SPRED2: variants seen among roughly 807,000 people sequenced by gnomAD.
SPRED2 encodes sprouty related EVH1 domain containing 2, also known as sprouty-related, EVH1 domain-containing protein 2.
A neutral mutation model predicts 43.0 loss-of-function variants in SPRED2; 47 were observed. The observed-to-expected ratio is 1.09, with a 90% confidence interval of 0.87 to 1.40. The LOEUF (loss-of-function observed/expected upper bound fraction) is 1.40, where lower values mean the gene tolerates loss of function less well. Ranked by LOEUF, SPRED2 falls within the 40% of genes most tolerant of loss-of-function variation. The probability of loss-of-function intolerance (pLI) is 0.00; values close to 1 mark genes in which losing one functional copy is unlikely to be tolerated. For synonymous variants in SPRED2, 225 were observed against 225.7 expected (o/e 1.00, Z 0.03); for missense variants, 561 against 586.4 (o/e 0.96, Z 0.45).
intron 1 of SPRED2, among the ~76,000 whole-genome samples, chr2:65,393,089 G>A (rs1675675157): frequency 1.3e-5 from 2 of 152,156 alleles, no homozygotes; most frequent in South Asian, 4.1e-4. Context: ...TGTTGCTACA[G>A]AGATAAAAAT....
intron 1 of SPRED2, chr2:65,366,634 T>C (rs1341816509): frequency 6.4e-7 from 1 of 1,552,702 alleles, no homozygotes; most frequent in East Asian, 2.4e-5. Context: ...GCCCGAGTGC[T>C]GGGTATTAGC....
rs1674112739 is a variant in SPRED2, at chr2:65,339,438, GCT to G, written c.205-4667_205-4666del. ...TCTATGACCTTACCCCCAACCCTGT[GCT>G]CTCTGAAACATGTGCTGTGTCCACT... is the stretch of plus-strand genomic sequence containing the variant. On this transcript the variant is annotated intron_variant, in intron 2 of 5. Transcript: ENST00000356388. Among the ~76,000 whole-genome samples the G allele has an allele frequency of 2.6e-5, 4 of 151,434 alleles. No individual in the cohort carries two copies. In the South Asian group the frequency reaches 6.3e-4, roughly 24 times the overall value.
At chr2:65,307,336 C>T (rs936892349), downstream of SPRED2, among the ~76,000 whole-genome samples, 7 of 152,210 alleles carry the variant, frequency 4.6e-5, no homozygotes, top group African/African-American at 1.2e-4. Flanking sequence ...GTTGCGATTA[C>T]AGGCATGCGC....
chr2:65,336,039 T>G (rs1196229955), intron 2 of SPRED2, among the ~76,000 whole-genome samples: 1 of 152,190 alleles, frequency 6.6e-6, no homozygotes, highest in Admixed American at 6.5e-5. Flanking sequence ...TAAATAAGTA[T>G]AAATTCTAAG....
intron 1 of SPRED2, among the ~76,000 whole-genome samples, chr2:65,403,544 T>C (rs924152934): frequency 6.6e-6 from 1 of 152,174 alleles, no homozygotes; most frequent in African/African-American, 2.4e-5. Context: ...TGGGATTACA[T>C]GCGTGAGCCA....
At chr2:65,394,007 A>G (rs995053862) in intron 1 of SPRED2, among the ~76,000 whole-genome samples, 7 of 152,156 alleles carry the variant, frequency 4.6e-5, no homozygotes, top group African/African-American at 1.4e-4. Flanking sequence ...CAAGCAAAAA[A>G]TGTTATGAGG....
intron 1 of SPRED2, among the ~76,000 whole-genome samples, chr2:65,347,599 C>CT (rs1439548397): frequency 6.6e-6 from 1 of 152,178 alleles, no homozygotes; most frequent in Non-Finnish European, 1.5e-5. Flanking sequence ...GCCCTTCCTC[C>CT]TGTAACTGTG....
At position 65,381,865 on chromosome 2, in the gene SPRED2, C is replaced by T. The variant is rs538021704; in HGVS notation, c.27-36969G>A. Among the ~76,000 whole-genome samples, 3 of 152,352 alleles carry T rather than the reference C, an allele frequency of 2.0e-5. No homozygotes were observed. The East Asian group carries it at 5.8e-4, about 29-fold the overall frequency. On this transcript the variant is annotated intron_variant, in intron 1 of 5. Coordinates refer to ENST00000356388, the MANE Select transcript of SPRED2 (RefSeq NM_181784.3). ...GAATTACTTGGGGGCTTTCAGACAC[C>T]AGTGGAATTCCCCCCACCACACACA...
chr2:65,308,559 A>G (rs1379744089), downstream of SPRED2: 1 of 985,318 alleles, frequency 1.0e-6, no homozygotes, highest in Non-Finnish European at 1.2e-6. Flanking sequence ...CGAGTTCCTG[A>G]TGTTTCCTCA....
intron 1 of SPRED2, among the ~76,000 whole-genome samples, chr2:65,388,227 G>A (rs1440680803): frequency 1.3e-5 from 2 of 152,220 alleles, no homozygotes; most frequent in Non-Finnish European, 1.5e-5. Flanking sequence ...AGCGTGTATG[G>A]GGAAAAGAAA....
chr2:65,431,150 A>G (rs1214392528), intron 1 of SPRED2, among the ~76,000 whole-genome samples: 3 of 150,864 alleles, frequency 2.0e-5, no homozygotes, highest in African/African-American at 7.3e-5. Flanking sequence ...CGCCCCGAGC[A>G]TTGTTCCCCT....
chr2:65,315,658 ATATTTATT>A (rs776856006), intron 5 of SPRED2, among the ~76,000 whole-genome samples: 2 of 152,158 alleles, frequency 1.3e-5, no homozygotes, highest in Non-Finnish European at 2.9e-5. Context: ...GCATAATGTG[ATATTTATT>A]TATTTATTTA....
At chr2:65,360,543 T>C (rs1175855228) in intron 1 of SPRED2, among the ~76,000 whole-genome samples, 1 of 152,240 alleles carries the variant, frequency 6.6e-6, no homozygotes, top group Non-Finnish European at 1.5e-5. Context: ...CTTGAGGATA[T>C]TGTGCTAAGT....
At chr2:65,396,628 T>C (rs1675764161) in intron 1 of SPRED2, among the ~76,000 whole-genome samples, 1 of 152,202 alleles carries the variant, frequency 6.6e-6, no homozygotes, top group South Asian at 2.1e-4. Context: ...AGGACAGAGA[T>C]GGGTTTGTCC....
chr2:65,412,434 T>C (rs1407924385), intron 1 of SPRED2, among the ~76,000 whole-genome samples: 1 of 152,132 alleles, frequency 6.6e-6, no homozygotes, highest in Non-Finnish European at 1.5e-5. Flanking sequence ...AGAAATACAG[T>C]TGTAATTAAG....
At position 65,379,958 on chromosome 2, in the gene SPRED2, G is replaced by A. The variant is rs187022197; in HGVS notation, c.27-35062C>T. Among the ~76,000 whole-genome samples the A allele has an allele frequency of 1.4e-4, 22 of 152,306 alleles. 2 individuals carry two copies. In the East Asian group the frequency reaches 3.3e-3, roughly 23 times the overall value. ...CTTCCTCCACCCACCCCAGCTGGGT[G>A]TTGCTTTCCAGCTGCCCTGGCTGCT... On this transcript the variant is annotated intron_variant, in intron 1 of 5. Coordinates refer to ENST00000356388, the MANE Select transcript of SPRED2 (RefSeq NM_181784.3).
chr2:65,312,138 T>C lies in SPRED2; in HGVS notation c.*1363A>G. Reference sequence around the variant, plus strand: ...TAATCCTTGCAACGTATTAGAAAAATACTCTTTTCCAGCTAATTAGAAGCC... The same window carrying C: ...TAATCCTTGCAACGTATTAGAAAAACACTCTTTTCCAGCTAATTAGAAGCC... On this transcript the variant is annotated 3_prime_UTR_variant, in exon 6 of 6. Transcript: ENST00000356388. 1 of 985,486 alleles carries C rather than the reference T, an allele frequency of 1.0e-6. No homozygotes were observed. Among genetic ancestry groups the C allele is most frequent in the Non-Finnish European group, 1.2e-6 (1 of 829,940 alleles). The allele number at this position is 985,486 out of a possible 1,614,324, so 61.0% of individuals were successfully genotyped here. A position where few individuals can be genotyped will look rare whatever the true frequency, so the allele number is the denominator to read the frequency against.
intron 1 of SPRED2, among the ~76,000 whole-genome samples, chr2:65,409,864 T>C (rs1040429018): frequency 6.6e-6 from 1 of 151,392 alleles, no homozygotes; most frequent in African/African-American, 2.4e-5. Flanking sequence ...TGAAACCCTC[T>C]ACTAAAAATA....
At chr2:65,392,171 A>ATT in intron 1 of SPRED2, among the ~76,000 whole-genome samples, 1 of 131,880 alleles carries the variant, frequency 7.6e-6, no homozygotes, top group South Asian at 2.3e-4. Context: ...TTCTTCCAGA[A>ATT]TTTCTTTTTT....
Sources: gnomAD v4.1 joint callset for allele counts (sites outside exome capture counted in the v4.1 genomes callset) on GRCh38, gnomAD v4.1.1 for gene constraint, MANE v1.5 for transcripts, NCBI Gene and HGNC (gene_info 2026-07-23, HGNC 2026-07-21) for gene names.